CEP192: variants seen among roughly 807,000 people sequenced by gnomAD.
CEP192 encodes the protein centrosomal protein of 192 kDa.
CEP192 carries 151 observed loss-of-function variants against 271.8 expected under a neutral mutation model. The ratio of observed to expected loss-of-function variants is 0.56; its 90% CI spans 0.49 to 0.64. The LOEUF (loss-of-function observed/expected upper bound fraction) is 0.64, where lower values mean the gene tolerates loss of function less well. Ranked by LOEUF, CEP192 falls within the 30% of genes least tolerant of loss-of-function variation. The pLI is 0.00. For synonymous variants in CEP192, 995 were observed against 1,076.5 expected (o/e 0.92, Z 1.48); for missense variants, 2,910 against 3,020.5 (o/e 0.96, Z 0.86).
intron 13 of CEP192, 88 bp from the exon 14 acceptor site, chr18:13,040,732 TGTCATTTAGC>T: frequency 1.1e-6 from 1 of 906,020 alleles, no homozygotes; most frequent in Non-Finnish European, 1.6e-6. Flanking sequence ...AGTTTTTTGA[TGTCATTTAGC>T]TGTTTTACCA....
chr18:13,019,351 C>A, intron 9 of CEP192, 145 bp downstream of exon 9: 2 of 572,054 alleles, frequency 3.5e-6, no homozygotes, highest in East Asian at 3.5e-5. Context: ...GATAATTTTT[C>A]GATATGTTTA....
At chr18:13,075,010 T>C (rs2038197881) in intron 30 of CEP192, among the ~76,000 whole-genome samples, 1 of 152,244 alleles carries the variant, frequency 6.6e-6, no homozygotes, top group African/African-American at 2.4e-5. Flanking sequence ...CTACCCTCAA[T>C]CACTAAGTGG....
At chr18:13,017,562 T>A (rs1328877894) in intron 7 of CEP192, among the ~76,000 whole-genome samples, 1 of 152,200 alleles carries the variant, frequency 6.6e-6, no homozygotes, top group African/African-American at 2.4e-5. Flanking sequence ...ATCTACACCC[T>A]CTTCCTCCAG....
At chr18:13,018,253 A>C (rs866275256) in intron 7 of CEP192, among the ~76,000 whole-genome samples, 5 of 152,156 alleles carry the variant, frequency 3.3e-5, no homozygotes, top group South Asian at 4.1e-4. Context: ...CTGTGGGATG[A>C]GATATCAGCC....
At chr18:13,119,227 C>G (rs1429531792) in intron 44 of CEP192, among the ~76,000 whole-genome samples, 1 of 152,172 alleles carries the variant, frequency 6.6e-6, no homozygotes, top group East Asian at 1.9e-4. Flanking sequence ...ATAAATTATC[C>G]TGAACACTGT....
chr18:13,041,058 A>T, intron 14 of CEP192, 102 bp downstream of exon 14: 1 of 927,290 alleles, frequency 1.1e-6, no homozygotes, highest in Non-Finnish European at 1.6e-6. Flanking sequence ...GAAAATGTAT[A>T]TAACACTTTG....
chr18:13,028,328 G>A (rs2035421528), intron 9 of CEP192, among the ~76,000 whole-genome samples: 1 of 152,052 alleles, frequency 6.6e-6, no homozygotes, highest in South Asian at 2.1e-4. Context: ...GAATAATATC[G>A]CAATTTATAG....
chr18:13,094,234 G>A (rs2039283501), intron 34 of CEP192, among the ~76,000 whole-genome samples: 4 of 152,170 alleles, frequency 2.6e-5, no homozygotes, highest in African/African-American at 9.7e-5. Context: ...TTAAGAGGGA[G>A]TTCTTTAAAG....
chr18:13,021,091 A>G (rs992569057), intron 9 of CEP192, among the ~76,000 whole-genome samples: 1 of 152,098 alleles, frequency 6.6e-6, no homozygotes, highest in Non-Finnish European at 1.5e-5. Flanking sequence ...ATCTATTTTT[A>G]TATTGCTACC....
At chr18:13,026,753 TTC>T (rs1432612874) in intron 9 of CEP192, among the ~76,000 whole-genome samples, 1 of 152,162 alleles carries the variant, frequency 6.6e-6, no homozygotes, top group Non-Finnish European at 1.5e-5. Flanking sequence ...TAAGTTCCAT[TTC>T]TCTGTTTACA....
intron 15 of CEP192, among the ~76,000 whole-genome samples, chr18:13,042,702 G>GA (rs1400752113): frequency 6.6e-5 from 10 of 152,146 alleles, no homozygotes; most frequent in Non-Finnish European, 1.2e-4. Context: ...TCACTTAAAA[G>GA]AAACCATGTG....
intron 30 of CEP192, among the ~76,000 whole-genome samples, chr18:13,079,357 G>C (rs1047916740): frequency 6.6e-6 from 1 of 152,114 alleles, no homozygotes. Flanking sequence ...ATCTCATTGT[G>C]GTTTTGATTT....
intron 32 of CEP192, 133 bp from the exon 33 acceptor site, chr18:13,089,322 CT>C: frequency 2.2e-6 from 1 of 446,400 alleles, no homozygotes; most frequent in Non-Finnish European, 4.0e-6. Context: ...ACAGGTTTTT[CT>C]TTTAGGTGTA....
rs1052361613 is a variant in CEP192 at position 13,024,668 on chromosome 18, G to A, written c.1051-4995G>A. Among the ~76,000 whole-genome samples, 92 of 152,078 alleles carry A rather than the reference G, an allele frequency of 6.0e-4. 1 individual carries two copies. The highest frequency in any genetic ancestry group is 3.4e-3 in the Middle Eastern group (1 of 292). On this transcript the variant is annotated intron_variant, in intron 9 of 44. Transcript: ENST00000506447. ...AGTGGAGACGGGGTTTCACCATGTTGGCCAGGATGGTCTTGATCTCCTGAC... is the reference window on the plus strand; with the variant it reads ...AGTGGAGACGGGGTTTCACCATGTTAGCCAGGATGGTCTTGATCTCCTGAC...
At position 12,999,494 on chromosome 18, in the gene CEP192, A is replaced by G. The variant is rs1202555274; in HGVS notation, c.70A>G (p.Ser24Gly). The change falls in exon 2 of 45, where the codon AGT (serine) becomes GGT (glycine). Residue 24 changes from serine (S) to glycine (G), a missense_variant. By Grantham distance (56) the Ser-to-Gly change is moderately conservative. Coordinates refer to ENST00000506447, the MANE Select transcript of CEP192 (RefSeq NM_032142.4). ...SFLTNSLFGNSGILENVTLSS... is the reference protein window; with the variant it reads ...SFLTNSLFGNGGILENVTLSS... The stretch of plus-strand genomic sequence containing the variant: ...TCTCACCAATTCATTATTTGGTAAC[A>G]GTGGGATTTTGGAAAATGTCACTCT... 1.3e-6 allele frequency: 2 copies of G among 1,550,792 alleles called. No homozygotes were observed. Among genetic ancestry groups the G allele is most frequent in the African/African-American group, 2.7e-5 (2 of 73,020 alleles).
chr18:13,005,721 C>T (rs888837335), intron 3 of CEP192, among the ~76,000 whole-genome samples: 1 of 152,204 alleles, frequency 6.6e-6, no homozygotes, highest in Non-Finnish European at 1.5e-5. Flanking sequence ...ACTGGAGGGT[C>T]AGCAGCCTGG....
chr18:13,038,523 T>G lies in CEP192; in HGVS notation c.1753T>G (p.Phe585Val). The change falls in exon 13 of 45, where the codon TTT (phenylalanine) becomes GTT (valine). Residue 585 changes from phenylalanine (F) to valine (V), a missense_variant. Transcript: ENST00000506447. ...SYLRLSLGEF[F>V]AQRSEALGCL... ...TTTACGTCTGTCTTTAGGAGAGTTC[T>G]TTGCTCAAAGATCTGAAGCTCTTGG... 6.4e-7 allele frequency: 1 copy of G among 1,551,664 alleles called. No homozygotes were observed. The highest frequency in any genetic ancestry group is 1.2e-5 in the South Asian group (1 of 84,068).
At chr18:13,063,820 ATT>A (rs111552814) in intron 21 of CEP192, among the ~76,000 whole-genome samples, 18 of 134,490 alleles carry the variant, frequency 1.3e-4, no homozygotes, top group Admixed American at 3.0e-4. Context: ...ATTTTCCCCA[ATT>A]TTTTTTTTTT....
intron 4 of CEP192, among the ~76,000 whole-genome samples, chr18:13,012,286 T>C (rs2034406543): frequency 6.6e-6 from 1 of 152,178 alleles, no homozygotes; most frequent in Non-Finnish European, 1.5e-5. Context: ...GAATTAATGA[T>C]ATATTAATTG....
Sources: allele counts gnomAD v4.1 joint callset (sites outside exome capture counted in the v4.1 genomes callset), GRCh38; gene constraint gnomAD v4.1.1; transcripts MANE v1.5; gene names NCBI Gene and HGNC (gene_info 2026-07-23, HGNC 2026-07-21).